DNAJC12: variants seen among roughly 807,000 people sequenced by gnomAD.
DNAJC12 encodes the protein dnaJ homolog subfamily C member 12.
In DNAJC12, 25 loss-of-function variants were observed where a neutral mutation model predicts 28.5. The observed-to-expected ratio is 0.88, with a 90% confidence interval of 0.64 to 1.22. The LOEUF (loss-of-function observed/expected upper bound fraction) is 1.22. DNAJC12 is among the 50% of genes most tolerant of loss of function. The pLI, the probability that DNAJC12 is intolerant of heterozygous loss-of-function variation, is 0.00. For synonymous variants in DNAJC12, 77 were observed against 80.6 expected (o/e 0.95, Z 0.24); for missense variants, 222 against 231.7 (o/e 0.96, Z 0.27).
At chr10:67,806,452 T>C (rs1841801343) in intron 3 of DNAJC12, among the ~76,000 whole-genome samples, 1 of 152,168 alleles carries the variant, frequency 6.6e-6, no homozygotes, top group Non-Finnish European at 1.5e-5. Flanking sequence ...CAAAGGCTAA[T>C]CAACCCCAAG....
chr10:67,825,791 T>A (rs1842024001), intron 1 of DNAJC12, among the ~76,000 whole-genome samples: 2 of 152,204 alleles, frequency 1.3e-5, no homozygotes, highest in South Asian at 4.1e-4. Context: ...GTTAAACTTC[T>A]GAGAACACCT....
intron 1 of DNAJC12, chr10:67,833,890 C>A (rs1055990625): frequency 8.3e-6 from 4 of 482,214 alleles, no homozygotes; most frequent in Admixed American, 4.6e-5. Flanking sequence ...CTATCAAAAT[C>A]TGCCTTCAGT....
intron 1 of DNAJC12, among the ~76,000 whole-genome samples, chr10:67,834,232 G>A (rs1245061779): frequency 6.6e-6 from 1 of 151,976 alleles, no homozygotes; most frequent in Non-Finnish European, 1.5e-5. Flanking sequence ...TTAACATAAA[G>A]GGAAGCTGGG....
At chr10:67,825,314 A>G in intron 1 of DNAJC12, 1 of 152,292 alleles carries the variant, frequency 6.6e-6, no homozygotes, top group Non-Finnish European at 1.5e-5. Flanking sequence ...TCTTTCAGAG[A>G]CAGTCTTGCT....
At chr10:67,826,126 C>T (rs1842026677) in intron 1 of DNAJC12, among the ~76,000 whole-genome samples, 1 of 135,186 alleles carries the variant, frequency 7.4e-6, no homozygotes, top group South Asian at 2.3e-4. Flanking sequence ...TCCTTGAAGA[C>T]ATATCTTTTT....
chr10:67,819,779 GGGAAGGAA>G (rs144881348), intron 2 of DNAJC12, among the ~76,000 whole-genome samples: 10 of 13,376 alleles, frequency 7.5e-4, no homozygotes, highest in African/African-American at 1.7e-3. Flanking sequence ...AGGAAGGAAG[GGGAAGGAA>G]GGAAGGAAGG....
At position 67,813,800 on chromosome 10, in the gene DNAJC12, A is replaced by T. The variant is rs1033510558; in HGVS notation, c.158-2137T>A. Among the ~76,000 whole-genome samples the T allele has an allele frequency of 9.2e-5, 14 of 151,726 alleles. No homozygotes were observed. In the South Asian group the frequency reaches 1.0e-3, roughly 11 times the overall value. ...GCTTCAAGAAGAATATAATATTTTTAAAAAATTGAACAAAAGAAGGAACTA... is the reference window on the plus strand; with the variant it reads ...GCTTCAAGAAGAATATAATATTTTTTAAAAATTGAACAAAAGAAGGAACTA... On this transcript the variant is annotated intron_variant, in intron 2 of 4. Transcript: ENST00000225171.
chr10:67,833,092 G>A (rs1842109346), intron 1 of DNAJC12, among the ~76,000 whole-genome samples: 1 of 152,164 alleles, frequency 6.6e-6, no homozygotes, highest in Non-Finnish European at 1.5e-5. Context: ...TCAGATTGGA[G>A]GTCATTAAGG....
At chr10:67,835,716 T>TCACACACACACACA (rs1842135770) in intron 1 of DNAJC12, among the ~76,000 whole-genome samples, 5 of 54,874 alleles carry the variant, frequency 9.1e-5, no homozygotes, top group African/African-American at 4.3e-4. Context: ...AGAGAAAAAA[T>TCACACACACACACA]GACACACACA....
At chr10:67,822,094 G>A (rs1450282775) in intron 2 of DNAJC12, among the ~76,000 whole-genome samples, 7 of 152,142 alleles carry the variant, frequency 4.6e-5, no homozygotes, top group Admixed American at 4.6e-4. Context: ...GATAGATTTG[G>A]GAGCCATCAA....
At position 67,811,590 on chromosome 10, in the gene DNAJC12, G is replaced by A. The variant is rs1267222024; in HGVS notation, c.231C>T (p.His77=). The change falls in exon 3 of 5, where the codon CAC becomes CAT. Residue 77 remains histidine, a synonymous_variant. Coordinates refer to ENST00000225171, the MANE Select transcript of DNAJC12 (RefSeq NM_021800.3). ...GCATCGACATCTGGCTCCTTCGCCA[G>A]TGGTCATAGCGGGCTCGACTCTCTT... is the stretch of plus-strand genomic sequence containing the variant. The part of the protein sequence containing the change: ...TNEESRARYD[H]WRRSQMSMPF... The A allele has an allele frequency of 1.2e-6, 2 of 1,614,200 alleles. No individual in the cohort carries two copies. The highest frequency in any genetic ancestry group is 1.1e-5 in the South Asian group (1 of 91,092).
At chr10:67,826,872 TTA>T (rs919082032) in intron 1 of DNAJC12, among the ~76,000 whole-genome samples, 4 of 138,582 alleles carry the variant, frequency 2.9e-5, no homozygotes, top group African/African-American at 1.1e-4. Context: ...ATTATATCTA[TTA>T]TATATGTCTA....
chr10:67,799,897 T>C (rs1221307298), intron 4 of DNAJC12, among the ~76,000 whole-genome samples: 1 of 125,320 alleles, frequency 8.0e-6, no homozygotes, highest in African/African-American at 3.0e-5. Context: ...AAAAATGTAG[T>C]TTCTAGTTAG....
At chr10:67,812,977 G>A (rs1370180261) in intron 2 of DNAJC12, among the ~76,000 whole-genome samples, 1 of 151,988 alleles carries the variant, frequency 6.6e-6, no homozygotes, top group Non-Finnish European at 1.5e-5. Context: ...AGCCGAGTTT[G>A]CACCACTGCA....
intron 1 of DNAJC12, among the ~76,000 whole-genome samples, chr10:67,823,768 C>T (rs1197690438): frequency 6.6e-6 from 1 of 151,916 alleles, no homozygotes; most frequent in African/African-American, 2.4e-5. Context: ...CAACCCAAAA[C>T]AGCCATGATC....
intron 1 of DNAJC12, among the ~76,000 whole-genome samples, chr10:67,830,896 A>G (rs1415010211): frequency 1.3e-5 from 2 of 152,058 alleles, no homozygotes; most frequent in Non-Finnish European, 2.9e-5. Flanking sequence ...ACATATAAAT[A>G]CATACACATA....
At position 67,797,045 on chromosome 10, in the gene DNAJC12, TAAAC is replaced by T. The variant is rs1229228610; in HGVS notation, c.*67_*70del. ...ACATAAACATGACATTTTTAAGACATAAACAAAGACTGCATGTTGGCAGCATAGG... is the reference window on the plus strand; with the variant it reads ...ACATAAACATGACATTTTTAAGACATAAAGACTGCATGTTGGCAGCATAGG... On this transcript the variant is annotated 3_prime_UTR_variant, in exon 5 of 5. Coordinates refer to ENST00000225171, the MANE Select transcript of DNAJC12 (RefSeq NM_021800.3). 17 of 1,207,966 alleles carry T rather than the reference TAAAC, an allele frequency of 1.4e-5. No homozygotes were observed. The highest frequency in any genetic ancestry group is 9.8e-5 in the East Asian group (4 of 40,690). 74.8% of individuals were successfully genotyped at this position (1,207,966 alleles called of 1,614,324 possible).
At chr10:67,832,617 C>A (rs1589051247) in intron 1 of DNAJC12, among the ~76,000 whole-genome samples, 1 of 152,072 alleles carries the variant, frequency 6.6e-6, no homozygotes, top group Non-Finnish European at 1.5e-5. Flanking sequence ...AATTTCCTTA[C>A]TGTAGAATAC....
At chr10:67,837,152 T>C (rs1842149011) in intron 1 of DNAJC12, among the ~76,000 whole-genome samples, 2 of 151,940 alleles carry the variant, frequency 1.3e-5, no homozygotes, top group South Asian at 4.1e-4. Flanking sequence ...ATAATACGAA[T>C]GGGTAAAAAG....
Sources: allele counts gnomAD v4.1 joint callset (sites outside exome capture counted in the v4.1 genomes callset), GRCh38; gene constraint gnomAD v4.1.1; transcripts MANE v1.5; gene names NCBI Gene and HGNC (gene_info 2026-07-23, HGNC 2026-07-21).